Variants in PDE1C observed in about 807,000 individuals in gnomAD.
PDE1C encodes the protein dual specificity calcium/calmodulin-dependent 3',5'-cyclic nucleotide phosphodiesterase 1C.
In PDE1C, 62 loss-of-function variants were observed where a neutral mutation model predicts 93.1. The observed-to-expected ratio is 0.67, with a 90% confidence interval of 0.54 to 0.82. The LOEUF is 0.82. Among genes scored for constraint, PDE1C ranks in the 40% least tolerant of loss-of-function variants. The pLI is 0.00. For missense variants in PDE1C, 742 were observed against 884.6 expected, an observed-to-expected ratio of 0.84 and a Z score of 2.04; for synonymous variants, 325 against 310.1, an observed-to-expected ratio of 1.05 and a Z score of -0.50.
At chr7:32,105,680 G>A (rs115937596) in intron 3 of PDE1C, among the ~76,000 whole-genome samples, 445 of 150,298 alleles carry the variant, frequency 3.0e-3, no homozygotes, top group African/African-American at 8.6e-3. Context: ...TGGGACTACA[G>A]GGATGTACCA....
At chr7:32,118,050 G>C (rs118001162) in intron 3 of PDE1C, among the ~76,000 whole-genome samples, 6 of 152,314 alleles carry the variant, frequency 3.9e-5, no homozygotes, top group East Asian at 1.9e-4. Flanking sequence ...GAGGAAGACA[G>C]ACTTGTCTTT....
At chr7:32,073,812 A>T (rs1309697002), upstream of PDE1C, among the ~76,000 whole-genome samples, 1 of 152,242 alleles carries the variant, frequency 6.6e-6, no homozygotes, top group African/African-American at 2.4e-5. Context: ...CATTCTGCTC[A>T]GAGGCAAGCA....
intron 2 of PDE1C, among the ~76,000 whole-genome samples, chr7:31,915,048 A>G (rs2128946604): frequency 6.6e-6 from 1 of 152,310 alleles, no homozygotes; most frequent in East Asian, 1.9e-4. Flanking sequence ...ATGCAATGAT[A>G]TTCATTCATT....
intron 1 of PDE1C, among the ~76,000 whole-genome samples, chr7:32,390,103 T>C (rs74379374): frequency 0.015 from 2,309 of 152,310 alleles, 34 homozygotes; most frequent in South Asian, 0.062. Context: ...TTCCCCTTTT[T>C]TCTGTTAAGT....
At chr7:31,903,571 C>T (rs1416939947) in intron 2 of PDE1C, among the ~76,000 whole-genome samples, 3 of 152,030 alleles carry the variant, frequency 2.0e-5, no homozygotes, top group Non-Finnish European at 4.4e-5. Flanking sequence ...TGCATTAATA[C>T]TTCTTGTATA....
At chr7:31,779,239 G>A (rs1205727321) in intron 16 of PDE1C, among the ~76,000 whole-genome samples, 1 of 152,152 alleles carries the variant, frequency 6.6e-6, no homozygotes, top group Non-Finnish European at 1.5e-5. Flanking sequence ...TCTGCTTTCT[G>A]TGGATACTCT....
intron 2 of PDE1C, among the ~76,000 whole-genome samples, chr7:31,983,165 A>G (rs377172836): frequency 3.3e-5 from 5 of 152,352 alleles, no homozygotes; most frequent in African/African-American, 1.2e-4. Context: ...AAATTGCTCC[A>G]GGGCTAAGTG....
intron 1 of PDE1C, among the ~76,000 whole-genome samples, chr7:32,271,914 G>C (rs1266340778): frequency 6.6e-6 from 1 of 152,186 alleles, no homozygotes; most frequent in Non-Finnish European, 1.5e-5. Flanking sequence ...AAACTGGGCT[G>C]TCTTGCTTAG....
intron 16 of PDE1C, among the ~76,000 whole-genome samples, chr7:31,804,374 G>T (rs77996714): frequency 0.02 from 3,022 of 151,812 alleles, 53 homozygotes; most frequent in East Asian, 0.11. Flanking sequence ...TGAGCATCAG[G>T]ACTGTTCCCT....
intron 11 of PDE1C, among the ~76,000 whole-genome samples, chr7:31,831,710 A>T (rs1790438639): frequency 6.6e-6 from 1 of 152,054 alleles, no homozygotes; most frequent in Non-Finnish European, 1.5e-5. Context: ...GGAGGAGGAG[A>T]AGGGGCAGAC....
At chr7:32,080,097 A>C (rs1488416755) in intron 3 of PDE1C, among the ~76,000 whole-genome samples, 1 of 152,158 alleles carries the variant, frequency 6.6e-6, no homozygotes, top group Non-Finnish European at 1.5e-5. Context: ...AAGCTTGAGG[A>C]GTTGAAGGGC....
intron 1 of PDE1C, among the ~76,000 whole-genome samples, chr7:32,277,777 A>G (rs1811374203): frequency 6.6e-6 from 1 of 152,208 alleles, no homozygotes; most frequent in African/African-American, 2.4e-5. Flanking sequence ...AGCAGAAACC[A>G]CAAATTCTAG....
At chr7:31,692,318 G>C in the PDE1C span, 1 of 753,726 alleles carries the variant, frequency 1.3e-6, no homozygotes, top group Non-Finnish European at 2.2e-6. Flanking sequence ...ACAATAGCAG[G>C]TGCTCAACAA....
intron 2 of PDE1C, among the ~76,000 whole-genome samples, chr7:32,177,440 C>T (rs1416049254): frequency 6.6e-6 from 1 of 152,126 alleles, no homozygotes. Flanking sequence ...TCCAGGCAAC[C>T]CAATAATAAT....
chr7:31,767,882 C>G (rs2128618762), intron 17 of PDE1C, among the ~76,000 whole-genome samples: 1 of 152,220 alleles, frequency 6.6e-6, no homozygotes, highest in African/African-American at 2.4e-5. Context: ...GTCGTTAATC[C>G]CATTTGTGAG....
At chr7:32,107,329 G>A (rs1278543387) in intron 3 of PDE1C, among the ~76,000 whole-genome samples, 1 of 149,244 alleles carries the variant, frequency 6.7e-6, no homozygotes, top group Non-Finnish European at 1.5e-5. Context: ...AAGGGAGGGA[G>A]GAAAGGAAGG....
At chr7:31,697,536 T>G in the PDE1C span, among the ~76,000 whole-genome samples, 1 of 152,160 alleles carries the variant, frequency 6.6e-6, no homozygotes, top group Non-Finnish European at 1.5e-5. Context: ...GAAATAAGGA[T>G]AGCTATCTGA....
chr7:31,860,287 G>A (rs1794532189), intron 7 of PDE1C, among the ~76,000 whole-genome samples: 2 of 152,052 alleles, frequency 1.3e-5, no homozygotes, highest in African/African-American at 2.4e-5. Context: ...CTGGCATCTC[G>A]TGACTACAGG....
intron 3 of PDE1C, among the ~76,000 whole-genome samples, chr7:32,136,321 A>G (rs1800206408): frequency 6.6e-6 from 1 of 152,014 alleles, no homozygotes; most frequent in Non-Finnish European, 1.5e-5. Flanking sequence ...ATATTTAAAA[A>G]AAATTAATGC....
Sources: allele counts gnomAD v4.1 joint callset (sites outside exome capture counted in the v4.1 genomes callset), GRCh38; gene constraint gnomAD v4.1.1; transcripts MANE v1.5; gene names NCBI Gene and HGNC (gene_info 2026-07-23, HGNC 2026-07-21).